ANKDD1A: variants seen among roughly 807,000 people sequenced by gnomAD.
ANKDD1A encodes the protein ankyrin repeat and death domain-containing protein 1A.
Under a neutral mutation model 63.5 loss-of-function variants are expected in ANKDD1A, and 59 were observed. The observed-to-expected ratio is 0.93, with a 90% CI of 0.75 to 1.15. ANKDD1A has a LOEUF of 1.15. Among genes scored for constraint, ANKDD1A ranks in the 50% most tolerant of loss-of-function variants. ANKDD1A has a pLI of 0.00. For missense variants in ANKDD1A, 632 were observed against 656.4 expected (o/e 0.96, Z 0.41); for synonymous variants, 266 against 263.9 (o/e 1.01, Z -0.08).
chr15:64,945,883 C>T (rs1160268546), intron 12 of ANKDD1A, among the ~76,000 whole-genome samples: 3 of 151,598 alleles, frequency 2.0e-5, no homozygotes, highest in Non-Finnish European at 2.9e-5. Flanking sequence ...CTGCCCACCT[C>T]AGCCTCCCAA....
intron 6 of ANKDD1A, among the ~76,000 whole-genome samples, chr15:64,929,491 C>T (rs2085072049): frequency 6.6e-6 from 1 of 152,170 alleles, no homozygotes; most frequent in African/African-American, 2.4e-5. Flanking sequence ...TAAAGGACAA[C>T]CCCACGCAGG....
intron 14 of ANKDD1A, among the ~76,000 whole-genome samples, chr15:64,952,898 C>CCTT (rs2085324480): frequency 1.1e-5 from 1 of 89,172 alleles, no homozygotes; most frequent in Non-Finnish European, 2.5e-5. Context: ...TCTTCCTTCT[C>CCTT]CTTCCTTCTC....
At position 64,915,897 on chromosome 15, in the gene ANKDD1A, C is replaced by T. The variant is rs773183844; in HGVS notation, c.135C>T (p.Asn45=). 7 of 1,613,206 alleles carry T rather than the reference C, an allele frequency of 4.3e-6. No individual in the cohort carries two copies. In the East Asian group the frequency reaches 1.1e-4, roughly 26 times the overall value. Residue 45 remains asparagine (N), a synonymous_variant, in exon 2 of 15, where the codon AAC becomes AAT. Coordinates refer to ENST00000319580, the MANE Select transcript of ANKDD1A (RefSeq NM_182703.6). ...GGAGGGTTAACACCAGGGCCAGAAA[C>T]CACGTGCGTAATGAGCTTCTCTGAA... ...IGRRVNTRAR[N]HVGRVALHWA...
At chr15:64,931,163 C>T (rs1295277631) in intron 7 of ANKDD1A, among the ~76,000 whole-genome samples, 1 of 152,068 alleles carries the variant, frequency 6.6e-6, no homozygotes, top group East Asian at 1.9e-4. Flanking sequence ...GAGACGTCAC[C>T]GTGGACAGGA....
At chr15:64,939,384 G>A (rs1349535536) in intron 9 of ANKDD1A, among the ~76,000 whole-genome samples, 2 of 152,140 alleles carry the variant, frequency 1.3e-5, no homozygotes, top group African/African-American at 4.8e-5. Context: ...GGCACTTTGA[G>A]AAGTCGAGAT....
chr15:64,951,621 CTT>C (rs1398305298), intron 14 of ANKDD1A, among the ~76,000 whole-genome samples: 1 of 19,216 alleles, frequency 5.2e-5, no homozygotes, highest in Non-Finnish European at 1.4e-4. Context: ...CCTTATTCTT[CTT>C]CTCTTCTTTT....
intron 2 of ANKDD1A, 41 bp from the exon 3 acceptor site, chr15:64,917,345 G>A (rs1309136492): frequency 1.3e-6 from 2 of 1,563,820 alleles, no homozygotes; most frequent in East Asian, 4.5e-5. Context: ...AGGCAGCCAG[G>A]TGGCAGCAGC....
chr15:64,947,315 G>C, intron 12 of ANKDD1A, 89 bp from the exon 13 acceptor site: 1 of 1,372,370 alleles, frequency 7.3e-7, no homozygotes, highest in Non-Finnish European at 1.0e-6. Flanking sequence ...AGCAGAGGTG[G>C]TAGGAGGGTC....
chr15:64,922,177 T>C, intron 4 of ANKDD1A, 158 bp downstream of exon 4: 5 of 612,454 alleles, frequency 8.2e-6, no homozygotes, highest in Non-Finnish European at 1.4e-5. Flanking sequence ...CTCCCTTTAC[T>C]ATTCGGTGAG....
At chr15:64,954,629 TC>T in intron 14 of ANKDD1A, among the ~76,000 whole-genome samples, 1 of 29,668 alleles carries the variant, frequency 3.4e-5, no homozygotes, top group Non-Finnish European at 1.7e-4. Flanking sequence ...CTTTTCTTCT[TC>T]CTTTTCTTCT....
chr15:64,912,206 G>C (rs2084936733), intron 1 of ANKDD1A, among the ~76,000 whole-genome samples: 1 of 152,184 alleles, frequency 6.6e-6, no homozygotes, highest in Admixed American at 6.5e-5. Flanking sequence ...TGAGAGGTTA[G>C]CTACAAATAA....
intron 6 of ANKDD1A, among the ~76,000 whole-genome samples, chr15:64,928,445 G>A (rs1205603526): frequency 2.6e-5 from 4 of 152,256 alleles, no homozygotes; most frequent in African/African-American, 2.4e-5. Flanking sequence ...ATACAGCTTT[G>A]ATGAACTTCT....
At chr15:64,953,950 CTATTGTT>C (rs2085367077) in intron 14 of ANKDD1A, among the ~76,000 whole-genome samples, 2 of 53,900 alleles carry the variant, frequency 3.7e-5, no homozygotes, top group Non-Finnish European at 6.6e-5. Context: ...TCCTCTTCTT[CTATTGTT>C]TCTTTTTTTC....
At chr15:64,912,045 G>T (rs941197706) in intron 1 of ANKDD1A, 81 bp downstream of exon 1, 89 of 1,217,920 alleles carry the variant, frequency 7.3e-5, no homozygotes, top group Non-Finnish European at 9.0e-5. Context: ...CCAGGGGTGA[G>T]GTTGGCGCCC....
In ANKDD1A at chr15:64,931,591, C is replaced by T. The variant is rs1301346121; in HGVS notation, c.768+6C>T. On this transcript the variant is annotated splice_donor_region_variant and intron_variant, in intron 8 of 14. Transcript: ENST00000319580. The stretch of plus-strand genomic sequence containing the variant: ...CCGTGAATGCCCTCACCCAGGTAGC[C>T]AGGCCCTCCCAAGACTGCGGTCGGC... 3 of 1,613,538 alleles carry T rather than the reference C, an allele frequency of 1.9e-6. No homozygotes were observed. The African/African-American group carries it at 4.0e-5, about 22-fold the overall frequency.
chr15:64,951,180 AC>A, intron 14 of ANKDD1A: 1 of 1,055,250 alleles, frequency 9.5e-7, no homozygotes, highest in Non-Finnish European at 1.2e-6. Flanking sequence ...AAATGTTTGT[AC>A]ACTGATCTTT....
intron 6 of ANKDD1A, among the ~76,000 whole-genome samples, chr15:64,927,643 C>T (rs1002987373): frequency 7.1e-5 from 10 of 140,586 alleles, no homozygotes; most frequent in African/African-American, 1.1e-4. Context: ...CTCGCTCTGT[C>T]GTCCAGGCTG....
At chr15:64,950,528 T>C in intron 14 of ANKDD1A, 3 of 985,322 alleles carry the variant, frequency 3.0e-6, no homozygotes, top group Non-Finnish European at 3.6e-6. Flanking sequence ...AATCAGCTCA[T>C]GATGAAAAAG....
chr15:64,951,549 C>CTCTTCTTTCTTTTCT (rs1295645692), intron 14 of ANKDD1A: 2 of 3,160 alleles, frequency 6.3e-4, no homozygotes, highest in Admixed American at 4.8e-3. Flanking sequence ...CTTCTTTCTT[C>CTCTTCTTTCTTTTCT]TCTTCTTTCT....
Sources: allele counts gnomAD v4.1 joint callset (sites outside exome capture counted in the v4.1 genomes callset), GRCh38; gene constraint gnomAD v4.1.1; transcripts MANE v1.5; gene names NCBI Gene and HGNC (gene_info 2026-07-23, HGNC 2026-07-21).